The following CUEDC1 variants were observed in gnomAD, a reference collection of about 807,000 sequenced individuals.
The protein encoded by CUEDC1 is CUE domain containing 1.
In CUEDC1, 30 loss-of-function variants were observed where a neutral mutation model predicts 43.7. The ratio of observed to expected loss-of-function variants is 0.69; its 90% CI spans 0.51 to 0.93. CUEDC1 has a LOEUF of 0.93. Ranked by LOEUF, CUEDC1 falls within the 40% of genes least tolerant of loss-of-function variation. The probability of loss-of-function intolerance (pLI) is 0.00; values close to 1 mark genes in which losing one functional copy is unlikely to be tolerated. For missense variants in CUEDC1, 486 were observed against 549.0 expected, an observed-to-expected ratio of 0.89 and a Z score of 1.15; for synonymous variants, 223 against 223.6, an observed-to-expected ratio of 1.00 and a Z score of 0.02.
At chr17:57,890,713 G>C (rs1318167635) in intron 1 of CUEDC1, among the ~76,000 whole-genome samples, 1 of 152,206 alleles carries the variant, frequency 6.6e-6, no homozygotes, top group Non-Finnish European at 1.5e-5. Context: ...GTCACTCCCG[G>C]CTTGGCCCAC....
intron 1 of CUEDC1, among the ~76,000 whole-genome samples, chr17:57,940,656 A>C (rs953885087): frequency 8.5e-5 from 13 of 152,208 alleles, no homozygotes; most frequent in South Asian, 2.1e-4. Context: ...CTCCTGACTA[A>C]AGCACAGGAA....
rs35704289 is a variant in CUEDC1, at chr17:57,872,703, C to T, written c.744G>A (p.Glu248=). The T allele has an allele frequency of 0.32, 515,940 of 1,613,886 alleles. 85,814 individuals carry two copies. Among genetic ancestry groups the T allele is most frequent in the Non-Finnish European group, 0.34 (396,969 of 1,179,896 alleles). The change falls in exon 5 of 11, where the codon GAG becomes GAA. Residue 248 remains glutamate (E), a synonymous_variant. Coordinates refer to ENST00000577830, the MANE Select transcript of CUEDC1 (RefSeq NM_001271875.2). The part of the protein sequence containing the change: ...LFLQNEEFMK[E]LQRNRDFLLA... Reference sequence around the variant, plus strand: ...GGAGGAAGTCGCGGTTCCGTTGCAGCTCCTTCATGAACTCCTCGTTCTGCA... The same window carrying T: ...GGAGGAAGTCGCGGTTCCGTTGCAGTTCCTTCATGAACTCCTCGTTCTGCA...
intron 1 of CUEDC1, among the ~76,000 whole-genome samples, chr17:57,913,300 C>G (rs1471952377): frequency 6.6e-6 from 1 of 151,600 alleles, no homozygotes; most frequent in Non-Finnish European, 1.5e-5. Flanking sequence ...TGCACTCCAG[C>G]CTGGGCAACA....
chr17:57,866,124 G>C (rs780438808), intron 10 of CUEDC1, among the ~76,000 whole-genome samples: 1 of 152,134 alleles, frequency 6.6e-6, no homozygotes. Flanking sequence ...TGCCCAGCCA[G>C]TTTTTCTTAA....
chr17:57,879,640 GTA>G lies in CUEDC1; in HGVS notation c.433_434del (p.Tyr145ProfsTer39). The G allele has an allele frequency of 6.2e-7, 1 of 1,604,612 alleles. No homozygotes were observed. On this transcript the variant is annotated frameshift_variant, in exon 3 of 11. Coordinates refer to ENST00000577830, the MANE Select transcript of CUEDC1 (RefSeq NM_001271875.2). LOFTEE classifies it high-confidence loss of function. ...GAGGCGGAGTCGGGGGAGCCAGAGG[GTA>G]GGGCCGGTCGAACACGTGCATGTGG... is the stretch of plus-strand genomic sequence containing the variant. ...AYHMHVFDRPYPLAPPTPPPR... is the reference protein window; with the variant it reads ...AYHMHVFDRPXPLAPPTPPPR...
chr17:57,952,124 C>G (rs2075012711), intron 1 of CUEDC1, among the ~76,000 whole-genome samples: 1 of 152,216 alleles, frequency 6.6e-6, no homozygotes, highest in Non-Finnish European at 1.5e-5. Flanking sequence ...TTGCATGCCA[C>G]CAAGACACTT....
intron 1 of CUEDC1, among the ~76,000 whole-genome samples, chr17:57,950,106 T>C (rs2074992058): frequency 6.6e-6 from 1 of 152,196 alleles, no homozygotes; most frequent in African/African-American, 2.4e-5. Context: ...GCAATGATTA[T>C]TTCCCAAGCC....
Position 57,869,189 on chromosome 17 carries a change from A to G in CUEDC1, c.873T>C (p.Thr291=), listed in dbSNP as rs1186041663. 1.2e-6 allele frequency: 2 copies of G among 1,613,702 alleles called. No homozygotes were observed. Among genetic ancestry groups the G allele is most frequent in the South Asian group, 1.1e-5 (1 of 90,954 alleles). ...CAGACACAGCGGGGTTGGCGTCGCC[A>G]GTTCCTGGAAGGAGACACCTGCTGA... ...DFGFSSPVPG[T]GDANPAVSED... Residue 291 remains threonine (T), a synonymous_variant, in exon 7 of 11, where the codon ACT becomes ACC. Coordinates refer to ENST00000577830, the MANE Select transcript of CUEDC1 (RefSeq NM_001271875.2).
At position 57,954,539 on chromosome 17, in the gene CUEDC1, C is replaced by A. The variant is rs189975860; in HGVS notation, c.-316+686G>T. 6.2e-4 allele frequency among the ~76,000 whole-genome samples: 95 copies of A among 152,232 alleles called. No individual in the cohort carries two copies. The highest frequency in any genetic ancestry group is 3.4e-3 in the Middle Eastern group (1 of 294). On this transcript the variant is annotated intron_variant, in intron 1 of 10. Transcript: ENST00000577830. This position sits in a 1 kb window ranked among gnomAD's most constrained non-coding sequence, Gnocchi z 4.3. ...GAATGAATAAACGCTGACACCAGCC[C>A]CCCTTGGAGCTCAGAGCCTGGGGCA...
chr17:57,908,827 C>G lies in CUEDC1; in HGVS notation c.-315-22948G>C, dbSNP rs937527550. On this transcript the variant is annotated intron_variant, in intron 1 of 10. Transcript: ENST00000577830. ...CCTGGCTAACACAGTGAAACCCCGT[C>G]TCTACTAAAAATAGAAAAAATCAAC... Among the ~76,000 whole-genome samples, 3 of 152,164 alleles carry G rather than the reference C, an allele frequency of 2.0e-5. 1 individual carries two copies. The East Asian group carries it at 5.8e-4, about 29-fold the overall frequency.
chr17:57,935,378 G>GACACACACACACACACAC (rs146002407), intron 1 of CUEDC1, among the ~76,000 whole-genome samples: 12 of 142,178 alleles, frequency 8.4e-5, no homozygotes, highest in Non-Finnish European at 1.5e-4. Flanking sequence ...CCTTCCATTA[G>GACACACACACACACACAC]ACACACACAC....
At position 57,896,487 on chromosome 17, in the gene CUEDC1, G is replaced by GGGGGGGGGT. The variant is rs375270781; in HGVS notation, c.-315-10609_-315-10608insACCCCCCCC. On this transcript the variant is annotated intron_variant, in intron 1 of 10. Transcript: ENST00000577830. Reference sequence around the variant, plus strand: ...GTCACTCTACTATAGTGCATTATGGGGTGTGTGTGTGTGTGTGTGTGTGTG... The same window carrying GGGGGGGGGT: ...GTCACTCTACTATAGTGCATTATGGGGGGGGGGGTGTGTGTGTGTGTGTGTGTGTGTGTG... 9.6e-4 allele frequency among the ~76,000 whole-genome samples: 125 copies of GGGGGGGGGT among 130,346 alleles called. 1 individual carries two copies. Among genetic ancestry groups the GGGGGGGGGT allele is most frequent in the South Asian group, 7.0e-3 (28 of 4,018 alleles). 85.5% of individuals were successfully genotyped at this position (130,346 alleles called of 152,430 possible).
rs543080762 is a variant in CUEDC1 at position 57,893,926 on chromosome 17, T to C, written c.-315-8047A>G. Among the ~76,000 whole-genome samples the C allele has an allele frequency of 2.1e-3, 322 of 152,192 alleles. 1 individual carries two copies. Among genetic ancestry groups the C allele is most frequent in the Middle Eastern group, 6.8e-3 (2 of 294 alleles). ...CTGGCCAAAATGGTGAAACACCGTC[T>C]CTACTAAAAATACAAAAATTAGCCA... On this transcript the variant is annotated intron_variant, in intron 1 of 10. Transcript: ENST00000577830.
intron 6 of CUEDC1, 73 bp downstream of exon 6, chr17:57,871,213 A>C: frequency 8.1e-7 from 1 of 1,232,110 alleles, no homozygotes; most frequent in Non-Finnish European, 1.2e-6. Flanking sequence ...TCAAACTCCA[A>C]ATATGCAAAG....
Position 57,862,457 on chromosome 17 carries a change from G to A in CUEDC1, c.*832C>T, listed in dbSNP as rs2073894036. On this transcript the variant is annotated 3_prime_UTR_variant, in exon 11 of 11. Transcript: ENST00000577830. ...AGCCCCTGTGAGCCCCTACTGTGGT[G>A]TGACTCCAGAACTGGCTTTTGTCTG... 1 of 152,570 alleles carries A rather than the reference G, an allele frequency of 6.6e-6. No homozygotes were observed. The highest frequency in any genetic ancestry group is 2.4e-5 in the African/African-American group (1 of 41,462). The allele number at this position is 152,570 out of a possible 1,614,324, so 9.5% of individuals were successfully genotyped here. A position where few individuals can be genotyped will look rare whatever the true frequency, so the allele number is the denominator to read the frequency against.
chr17:57,952,192 C>CATTTTATTTT lies in CUEDC1; in HGVS notation c.-316+3023_-316+3032dup, dbSNP rs543420472. 1.9e-4 allele frequency among the ~76,000 whole-genome samples: 29 copies of CATTTTATTTT among 151,380 alleles called. 1 individual carries two copies. The highest frequency in any genetic ancestry group is 6.3e-4 in the African/African-American group (26 of 41,226). ...GCGCTTTAGGGTCTCCAATGCCCTT[C>CATTTTATTTT]ATTTTATTTTATTTTATTTTATTTT... On this transcript the variant is annotated intron_variant, in intron 1 of 10. Coordinates refer to ENST00000577830, the MANE Select transcript of CUEDC1 (RefSeq NM_001271875.2).
At chr17:57,910,858 T>A (rs775003898) in intron 1 of CUEDC1, among the ~76,000 whole-genome samples, 1 of 152,118 alleles carries the variant, frequency 6.6e-6, no homozygotes, top group Non-Finnish European at 1.5e-5. Context: ...TGAGACCCAG[T>A]GTGTCACCAG....
chr17:57,891,490 C>T (rs1339878753), intron 1 of CUEDC1, among the ~76,000 whole-genome samples: 1 of 152,198 alleles, frequency 6.6e-6, no homozygotes, highest in East Asian at 1.9e-4. Context: ...CCTAGAGACC[C>T]CTCATCACAG....
In CUEDC1 at chr17:57,930,497, C is replaced by A. The variant is rs1393638350; in HGVS notation, c.-316+24728G>T. ...GGGTTTAACAGAAGGCAGAGAAAAG[C>A]AGCTCAGAAGCACTTGCAAACATTG... is the stretch of plus-strand genomic sequence containing the variant. On this transcript the variant is annotated intron_variant, in intron 1 of 10. Transcript: ENST00000577830. The surrounding 1 kb of genome is among the most constrained non-coding windows in gnomAD (Gnocchi z 4.2). 1.3e-5 allele frequency among the ~76,000 whole-genome samples: 2 copies of A among 152,220 alleles called. No homozygotes were observed. Among genetic ancestry groups the A allele is most frequent in the African/African-American group, 4.8e-5 (2 of 41,458 alleles).
Sources: allele counts gnomAD v4.1 joint callset (sites outside exome capture counted in the v4.1 genomes callset), GRCh38; gene constraint gnomAD v4.1.1; non-coding constraint Gnocchi (gnomAD v3.1); transcripts MANE v1.5; gene names NCBI Gene and HGNC (gene_info 2026-07-23, HGNC 2026-07-21).